GRIP1: variants seen among roughly 807,000 people sequenced by gnomAD.
GRIP1 encodes glutamate receptor-interacting protein 1.
A neutral mutation model predicts 129.9 loss-of-function variants in GRIP1; 45 were observed. The ratio of observed to expected loss-of-function variants is 0.35; its 90% confidence interval spans 0.27 to 0.44. The LOEUF (loss-of-function observed/expected upper bound fraction) is 0.44. GRIP1 is among the 20% of genes least tolerant of loss of function. The pLI is 1.00. For synonymous variants in GRIP1, 530 were observed against 520.8 expected (o/e 1.02, Z -0.24); for missense variants, 1,196 against 1,396.8 (o/e 0.86, Z 2.29).
upstream of GRIP1, among the ~76,000 whole-genome samples, chr12:66,681,892 A>AC (rs1394486708): frequency 3.3e-5 from 5 of 152,194 alleles, no homozygotes; most frequent in Non-Finnish European, 7.4e-5. Context: ...AAGGTGTAAT[A>AC]CAAGTGTACC....
chr12:66,958,974 G>T (rs568839065), intron 1 of GRIP1, among the ~76,000 whole-genome samples: 1 of 152,112 alleles, frequency 6.6e-6, no homozygotes, highest in Non-Finnish European at 1.5e-5. Context: ...AATTTCCTAC[G>T]TAATAGATAA....
chr12:66,930,431 T>C (rs904433065), intron 1 of GRIP1, among the ~76,000 whole-genome samples: 4 of 151,106 alleles, frequency 2.6e-5, no homozygotes, highest in South Asian at 2.1e-4. Flanking sequence ...ACAAAGGACA[T>C]GAACTCATCA....
chr12:66,995,704 A>C (rs957689786), intron 1 of GRIP1, among the ~76,000 whole-genome samples: 2 of 152,188 alleles, frequency 1.3e-5, no homozygotes, highest in Non-Finnish European at 2.9e-5. Context: ...GGACATGGAG[A>C]AACTTATACA....
intron 1 of GRIP1, among the ~76,000 whole-genome samples, chr12:66,922,765 GGGCATGAT>G (rs1321071288): frequency 6.6e-6 from 1 of 152,136 alleles, no homozygotes; most frequent in Admixed American, 6.5e-5. Flanking sequence ...TCTGGAATGT[GGGCATGAT>G]GGCCAGAACT....
At chr12:67,001,766 T>C (rs1215332861) in intron 1 of GRIP1, among the ~76,000 whole-genome samples, 1 of 152,096 alleles carries the variant, frequency 6.6e-6, no homozygotes, top group Non-Finnish European at 1.5e-5. Context: ...CCACTGTACC[T>C]ATAGCAGCCT....
At chr12:66,469,886 A>G (rs888934873) in intron 7 of GRIP1, among the ~76,000 whole-genome samples, 2 of 152,028 alleles carry the variant, frequency 1.3e-5, no homozygotes, top group Non-Finnish European at 2.9e-5. Flanking sequence ...GAGTGAGACC[A>G]CCCTACTCCA....
rs575916963 is a variant in GRIP1, at chr12:66,392,014, G to A, written c.2464+294C>T. 3.3e-5 allele frequency among the ~76,000 whole-genome samples: 5 copies of A among 152,256 alleles called. No homozygotes were observed. In the East Asian group the frequency reaches 9.7e-4, roughly 29 times the overall value. Reference sequence around the variant, plus strand: ...ATTGAACGAGCCACTTTATTGTATGGTTTGCCTCACATTAATCTAAGCTTG... The same window carrying A: ...ATTGAACGAGCCACTTTATTGTATGATTTGCCTCACATTAATCTAAGCTTG... On this transcript the variant is annotated intron_variant, in intron 19 of 24. Coordinates refer to ENST00000359742, the MANE Select transcript of GRIP1 (RefSeq NM_001366722.1).
chr12:66,552,435 A>G (rs1565854539), intron 2 of GRIP1, among the ~76,000 whole-genome samples: 1 of 152,206 alleles, frequency 6.6e-6, no homozygotes. Flanking sequence ...GTATTCTTAC[A>G]TCCATTCACT....
chr12:66,400,091 G>A (rs1338335978), intron 16 of GRIP1, among the ~76,000 whole-genome samples: 1 of 151,942 alleles, frequency 6.6e-6, no homozygotes, highest in Non-Finnish European at 1.5e-5. Context: ...TCAAAGTGTA[G>A]TTCTAGGACT....
intron 9 of GRIP1, 37 bp from the exon 10 acceptor site, chr12:66,456,379 CA>C: frequency 8.4e-7 from 1 of 1,191,682 alleles, no homozygotes; most frequent in Non-Finnish European, 1.1e-6. Context: ...ATAAGAAAAA[CA>C]AACGAACAAA....
At chr12:66,667,528 C>G (rs1186593108) in intron 1 of GRIP1, among the ~76,000 whole-genome samples, 2 of 152,190 alleles carry the variant, frequency 1.3e-5, no homozygotes, top group African/African-American at 4.8e-5. Flanking sequence ...TTGCCTAATA[C>G]AAGTAGCTGG....
At chr12:66,966,992 TCTC>T (rs2042007359) in intron 1 of GRIP1, among the ~76,000 whole-genome samples, 1 of 152,208 alleles carries the variant, frequency 6.6e-6, no homozygotes, top group Admixed American at 6.5e-5. Context: ...TACTGCTTCT[TCTC>T]CTCCATTTAT....
At chr12:66,881,563 C>T (rs1165984638) in intron 1 of GRIP1, among the ~76,000 whole-genome samples, 1 of 152,002 alleles carries the variant, frequency 6.6e-6, no homozygotes. Context: ...CCATCACATG[C>T]ACCATTGAGC....
At chr12:66,679,857 A>C (rs2034516493), upstream of GRIP1, among the ~76,000 whole-genome samples, 1 of 152,252 alleles carries the variant, frequency 6.6e-6, no homozygotes, top group African/African-American at 2.4e-5. Context: ...CTTGCGACAT[A>C]GCAGATATTT....
At chr12:66,383,872 G>C (rs2056235628) in intron 19 of GRIP1, among the ~76,000 whole-genome samples, 1 of 152,122 alleles carries the variant, frequency 6.6e-6, no homozygotes, top group Non-Finnish European at 1.5e-5. Flanking sequence ...CGTAGCTAAG[G>C]GGACTTCTGA....
intron 16 of GRIP1, among the ~76,000 whole-genome samples, chr12:66,397,130 A>AT (rs1565698186): frequency 6.6e-6 from 1 of 151,286 alleles, no homozygotes; most frequent in African/African-American, 2.4e-5. Context: ...AAAAAAAAAA[A>AT]AAAAGAGAAA....
intron 1 of GRIP1, among the ~76,000 whole-genome samples, chr12:67,040,440 C>T (rs1383662400): frequency 6.6e-6 from 1 of 152,190 alleles, no homozygotes; most frequent in Non-Finnish European, 1.5e-5. Context: ...AGACATAAAT[C>T]CCTATTAAAA....
rs960791212 is a variant in GRIP1 at position 66,402,310 on chromosome 12, A to T, written c.1984+3973T>A. ...CTCCTATTTGGTGGTAACTGATTTA[A>T]GGGCAGGATTGTGTCCCTTTTATCT... On this transcript the variant is annotated intron_variant, in intron 16 of 24. Transcript: ENST00000359742. Among the ~76,000 whole-genome samples the T allele has an allele frequency of 5.9e-5, 9 of 152,228 alleles. No homozygotes were observed. The East Asian group carries it at 1.7e-3, about 29-fold the overall frequency.
At chr12:66,835,774 T>G (rs1020356831) in intron 1 of GRIP1, among the ~76,000 whole-genome samples, 1 of 152,158 alleles carries the variant, frequency 6.6e-6, no homozygotes, top group African/African-American at 2.4e-5. Context: ...CAGGGGACCT[T>G]TAAGGCAGTG....
Sources: allele counts gnomAD v4.1 joint callset (sites outside exome capture counted in the v4.1 genomes callset), GRCh38; gene constraint gnomAD v4.1.1; transcripts MANE v1.5; gene names NCBI Gene and HGNC (gene_info 2026-07-23, HGNC 2026-07-21).